DLG2: variants seen among roughly 807,000 people sequenced by gnomAD.
DLG2 encodes discs large MAGUK scaffold protein 2, also known as disks large homolog 2.
A neutral mutation model predicts 132.5 loss-of-function variants in DLG2; 45 were observed. That is an observed-to-expected ratio of 0.34 (90% CI 0.27 to 0.44). The LOEUF (loss-of-function observed/expected upper bound fraction) is 0.44, where lower values mean the gene tolerates loss of function less well. DLG2 is among the 20% of genes least tolerant of loss of function. The pLI is 1.00. For synonymous variants in DLG2, 424 were observed against 419.6 expected, an observed-to-expected ratio of 1.01 and a Z score of -0.13; for missense variants, 1,045 against 1,196.9, an observed-to-expected ratio of 0.87 and a Z score of 1.87.
chr11:83,778,270 G>A (rs2094668443), intron 18 of DLG2, among the ~76,000 whole-genome samples: 1 of 152,110 alleles, frequency 6.6e-6, no homozygotes, highest in African/African-American at 2.4e-5. Context: ...TACTTGTAGA[G>A]TCAAGAGTAG....
chr11:84,403,244 G>A (rs757108716), intron 7 of DLG2, among the ~76,000 whole-genome samples: 9 of 152,118 alleles, frequency 5.9e-5, no homozygotes, highest in Non-Finnish European at 1.2e-4. Context: ...GCTATTCATG[G>A]CATGTAGGCA....
intron 7 of DLG2, among the ~76,000 whole-genome samples, chr11:84,333,133 AG>A (rs749544366): frequency 6.6e-6 from 1 of 152,216 alleles, no homozygotes; most frequent in Non-Finnish European, 1.5e-5. Context: ...CTTTATAAAG[AG>A]TGCTATAAGG....
intron 7 of DLG2, among the ~76,000 whole-genome samples, chr11:84,379,655 C>A (rs986778045): frequency 6.6e-6 from 1 of 151,952 alleles, no homozygotes; most frequent in African/African-American, 2.4e-5. Flanking sequence ...AAGGACAATA[C>A]GGTCTGAGGC....
intron 7 of DLG2, among the ~76,000 whole-genome samples, chr11:84,389,702 G>C (rs2154439849): frequency 6.6e-6 from 1 of 152,172 alleles, no homozygotes; most frequent in South Asian, 2.1e-4. Flanking sequence ...ACATAACCAA[G>C]ATTATATTAA....
At chr11:83,561,883 CTTTTTTTTTTT>C (rs66514406) in intron 19 of DLG2, among the ~76,000 whole-genome samples, 3 of 87,966 alleles carry the variant, frequency 3.4e-5, no homozygotes, top group African/African-American at 1.4e-4. Flanking sequence ...GTATTTCTTT[CTTTTTTTTTTT>C]TTTTTTTTTT....
intron 18 of DLG2, among the ~76,000 whole-genome samples, chr11:83,686,145 C>T (rs1334756423): frequency 1.3e-5 from 2 of 152,086 alleles, no homozygotes; most frequent in African/African-American, 4.8e-5. Context: ...CAGCAGCCAG[C>T]CATGTTTTTA....
At chr11:84,830,835 G>C (rs533908992) in intron 6 of DLG2, among the ~76,000 whole-genome samples, 130 of 151,026 alleles carry the variant, frequency 8.6e-4, no homozygotes, top group Middle Eastern at 3.4e-3. Flanking sequence ...ATTTAGCCTG[G>C]CCTCACTTTA....
intron 11 of DLG2, among the ~76,000 whole-genome samples, chr11:84,000,004 T>A (rs980871971): frequency 2.0e-5 from 3 of 149,970 alleles, no homozygotes; most frequent in Non-Finnish European, 4.4e-5. Context: ...ACAATAATTC[T>A]CTAGTAACAG....
chr11:83,830,658 C>T (rs1312306982), intron 17 of DLG2, among the ~76,000 whole-genome samples: 1 of 152,222 alleles, frequency 6.6e-6, no homozygotes, highest in African/African-American at 2.4e-5. Context: ...GCCATAGAGA[C>T]TGTTGACAAT....
chr11:83,811,235 T>A (rs1168160278), intron 17 of DLG2, among the ~76,000 whole-genome samples: 1 of 152,146 alleles, frequency 6.6e-6, no homozygotes, highest in Non-Finnish European at 1.5e-5. Flanking sequence ...TATGGGAAAT[T>A]GAAGAATACT....
intron 6 of DLG2, among the ~76,000 whole-genome samples, chr11:84,971,448 TTAAGA>T (rs2054087594): frequency 6.6e-6 from 1 of 152,296 alleles, no homozygotes; most frequent in Non-Finnish European, 1.5e-5. Flanking sequence ...TTTTACGCAC[TTAAGA>T]TAAAAAAACT....
At chr11:85,492,072 A>G (rs1436471391) in intron 3 of DLG2, among the ~76,000 whole-genome samples, 1 of 152,116 alleles carries the variant, frequency 6.6e-6, no homozygotes, top group African/African-American at 2.4e-5. Context: ...AATAGTTAAC[A>G]ATGTAATATA....
At chr11:85,342,354 A>G (rs938795333) in intron 3 of DLG2, among the ~76,000 whole-genome samples, 1 of 152,074 alleles carries the variant, frequency 6.6e-6, no homozygotes, top group Admixed American at 6.6e-5. Flanking sequence ...CTAAGACACA[A>G]ACACACATAT....
At chr11:83,563,797 C>T (rs897603138) in intron 19 of DLG2, among the ~76,000 whole-genome samples, 3 of 152,198 alleles carry the variant, frequency 2.0e-5, no homozygotes, top group Non-Finnish European at 4.4e-5. Flanking sequence ...ATTGTGAGGA[C>T]TAAATGAAAC....
chr11:85,520,839 T>C (rs1160961883), intron 3 of DLG2, among the ~76,000 whole-genome samples: 1 of 152,122 alleles, frequency 6.6e-6, no homozygotes, highest in African/African-American at 2.4e-5. Context: ...GACCCCTATC[T>C]CTTGCCATAT....
At chr11:84,716,055 A>G (rs2061186688) in intron 6 of DLG2, among the ~76,000 whole-genome samples, 1 of 152,078 alleles carries the variant, frequency 6.6e-6, no homozygotes. Flanking sequence ...CCTTTTCTCC[A>G]TACCCTTGAC....
At chr11:83,642,972 G>A (rs537884696) in intron 18 of DLG2, among the ~76,000 whole-genome samples, 1 of 151,710 alleles carries the variant, frequency 6.6e-6, no homozygotes, top group South Asian at 2.1e-4. Context: ...TTCAATAAAT[G>A]AATAAAAAAA....
chr11:83,662,266 A>G (rs6592137), intron 18 of DLG2, among the ~76,000 whole-genome samples: 58,001 of 152,030 alleles, frequency 0.38, 12,257 homozygotes, highest in African/African-American at 0.57. Context: ...TGGAAAGAAT[A>G]CATGCTCTGA....
chr11:85,546,818 C>CTTTTTTT (rs34822004), intron 3 of DLG2, among the ~76,000 whole-genome samples: 15 of 69,002 alleles, frequency 2.2e-4, no homozygotes, highest in East Asian at 4.4e-4. Context: ...ATAACCCCTG[C>CTTTTTTT]TTTTTTTTTT....
Sources: allele counts gnomAD v4.1 joint callset (sites outside exome capture counted in the v4.1 genomes callset), GRCh38; gene constraint gnomAD v4.1.1; transcripts MANE v1.5; gene names NCBI Gene and HGNC (gene_info 2026-07-23, HGNC 2026-07-21).